The following CYP4F3 variants were observed in gnomAD, a reference collection of about 807,000 sequenced individuals.
CYP4F3 encodes cytochrome P450 family 4 subfamily F member 3.
A neutral mutation model predicts 54.8 loss-of-function variants in CYP4F3; 50 were observed. That is an observed-to-expected ratio of 0.91 (90% CI 0.73 to 1.16). CYP4F3 has a LOEUF of 1.16. CYP4F3 is among the 50% of genes most tolerant of loss of function. The probability of loss-of-function intolerance (pLI) is 0.00; values close to 1 mark genes in which losing one functional copy is unlikely to be tolerated. For synonymous variants in CYP4F3, 244 were observed against 262.6 expected (o/e 0.93, Z 0.69); for missense variants, 715 against 676.2 (o/e 1.06, Z -0.64).
At position 15,659,388 on chromosome 19, in the gene CYP4F3, T is replaced by G; in HGVS notation, c.*3T>G. 1.2e-6 allele frequency: 2 copies of G among 1,610,470 alleles called. No homozygotes were observed. The highest frequency in any genetic ancestry group is 1.7e-6 in the Non-Finnish European group (2 of 1,178,192). On this transcript the variant is annotated 3_prime_UTR_variant, in exon 13 of 13. Transcript: ENST00000221307. ...TGCGGGTGGAGCCCCTGAGCTGAGT[T>G]CTGCAGAGACCCACTCTGACCCCAC...
intron 8 of CYP4F3, 84 bp downstream of exon 8, chr19:15,652,719 A>C (rs1972893566): frequency 6.2e-7 from 1 of 1,608,930 alleles, no homozygotes; most frequent in Non-Finnish European, 8.5e-7. Context: ...CGCACTTCCC[A>C]TCCCCCTTCC....
rs1245688046 is a variant in CYP4F3, at chr19:15,650,160, A to G, written c.895A>G (p.Ile299Val). Residue 299 changes from isoleucine (I) to valine (V), a missense_variant, in exon 7 of 13, where the codon ATT (isoleucine) becomes GTT (valine). Coordinates refer to ENST00000221307, the MANE Select transcript of CYP4F3 (RefSeq NM_000896.3). ...AKAKSKTLDF[I>V]DVLLLSKDED... ...GGCCAAATCCAAGACTTTGGACTTC[A>G]TTGATGTACTCCTGCTGAGCAAGGT... 3.1e-6 allele frequency: 5 copies of G among 1,614,054 alleles called. No homozygotes were observed. The South Asian group carries it at 4.4e-5, about 14-fold the overall frequency.
At position 15,660,663 on chromosome 19, in the gene CYP4F3, A is replaced by G. The variant is rs1973161848; in HGVS notation, c.*1278A>G. 1 of 152,058 alleles carries G rather than the reference A, an allele frequency of 6.6e-6. No homozygotes were observed. The highest frequency in any genetic ancestry group is 2.4e-5 in the African/African-American group (1 of 41,360). The allele number at this position is 152,058 out of a possible 1,614,324, so 9.4% of individuals were successfully genotyped here. On this transcript the variant is annotated 3_prime_UTR_variant, in exon 13 of 13. Transcript: ENST00000221307. ...AGTAAGTCTCTGCCCTAGGCACATC[A>G]GATCACCTGGGGACCACTCCAGAGT... is the stretch of plus-strand genomic sequence containing the variant.
intron 5 of CYP4F3, among the ~76,000 whole-genome samples, chr19:15,648,246 G>A (rs1972689334): frequency 1.3e-5 from 2 of 152,076 alleles, no homozygotes; most frequent in East Asian, 3.9e-4. Context: ...TCATGACACA[G>A]AGAGCAGCAT....
intron 9 of CYP4F3, among the ~76,000 whole-genome samples, chr19:15,653,470 G>A (rs758897644): frequency 6.6e-6 from 1 of 152,064 alleles, no homozygotes; most frequent in Non-Finnish European, 1.5e-5. Flanking sequence ...GCATCTTTCT[G>A]TGCTCTGGAG....
chr19:15,653,868 G>A (rs930600103), intron 9 of CYP4F3, among the ~76,000 whole-genome samples: 1 of 152,046 alleles, frequency 6.6e-6, no homozygotes, highest in African/African-American at 2.4e-5. Context: ...GGAGATGGTA[G>A]CAGGGGCTGG....
chr19:15,659,334 G>A lies in CYP4F3; in HGVS notation c.1512G>A (p.Leu504=), dbSNP rs531656239. The A allele has an allele frequency of 1.2e-6, 2 of 1,613,594 alleles. No individual in the cohort carries two copies. The highest frequency in any genetic ancestry group is 1.7e-6 in the Non-Finnish European group (2 of 1,179,818). The change falls in exon 13 of 13, where the codon CTG becomes CTA. Residue 504 remains leucine, a synonymous_variant. Coordinates refer to ENST00000221307, the MANE Select transcript of CYP4F3 (RefSeq NM_000896.3). Reference sequence around the variant, plus strand: ...CCGAGCCCCGCAGGAAGCCGGAGCTGGTCCTGCGCGCAGAGGGCGGACTTT... The same window carrying A: ...CCGAGCCCCGCAGGAAGCCGGAGCTAGTCCTGCGCGCAGAGGGCGGACTTT... The part of the protein sequence containing the change: ...DHTEPRRKPE[L]VLRAEGGLWL...
chr19:15,643,823 A>G, intron 2 of CYP4F3: 1 of 1,375,546 alleles, frequency 7.3e-7, no homozygotes, highest in African/African-American at 1.5e-5. Flanking sequence ...CGGATGATCA[A>G]CTATCTGGGC....
In CYP4F3 at chr19:15,647,328, A is replaced by T; in HGVS notation, c.525+4A>T. 1 of 1,614,084 alleles carries T rather than the reference A, an allele frequency of 6.2e-7. No homozygotes were observed. The highest frequency in any genetic ancestry group is 8.5e-7 in the Non-Finnish European group (1 of 1,179,974). On this transcript the variant is annotated splice_donor_region_variant and intron_variant, in intron 5 of 12. Coordinates refer to ENST00000221307, the MANE Select transcript of CYP4F3 (RefSeq NM_000896.3). Reference sequence around the variant, plus strand: ...TGAGAGTGTGAACATCATGCATGTGAGTTATTTGAAGCCAAGGTCCCAGCT... The same window carrying T: ...TGAGAGTGTGAACATCATGCATGTGTGTTATTTGAAGCCAAGGTCCCAGCT...
chr19:15,657,789 GTATTCT>G (rs1413953148), intron 9 of CYP4F3, among the ~76,000 whole-genome samples: 3 of 152,046 alleles, frequency 2.0e-5, no homozygotes, highest in Non-Finnish European at 4.4e-5. Flanking sequence ...TATGGAACTG[GTATTCT>G]TATTATTTTT....
At chr19:15,652,039 A>C (rs1972871622) in intron 7 of CYP4F3, among the ~76,000 whole-genome samples, 1 of 151,088 alleles carries the variant, frequency 6.6e-6, no homozygotes, top group Non-Finnish European at 1.5e-5. Context: ...CTATATTATG[A>C]GTCTCAGCAC....
intron 7 of CYP4F3, among the ~76,000 whole-genome samples, chr19:15,652,044 C>T (rs1972871966): frequency 6.7e-6 from 1 of 149,886 alleles, no homozygotes; most frequent in Non-Finnish European, 1.5e-5. Flanking sequence ...TTATGAGTCT[C>T]AGCACATTTT....
Position 15,662,272 on chromosome 19 carries a change from C to CAAAAAAAAAAAAAGAAAA in CYP4F3, c.*2900_*2901insGAAAAAAAAAAAAAAAAA, listed in dbSNP as rs1973197825. The CAAAAAAAAAAAAAGAAAA allele has an allele frequency of 1.4e-5, 1 of 73,706 alleles. No individual in the cohort carries two copies. The highest frequency in any genetic ancestry group is 2.3e-5 in the Non-Finnish European group (1 of 43,774). 4.6% of individuals were successfully genotyped at this position (73,706 alleles called of 1,614,324 possible). A position where few individuals can be genotyped will look rare whatever the true frequency, so the allele number is the denominator to read the frequency against. ...GGTGAAAGAGCTAGATTCTCTCTCT[C>CAAAAAAAAAAAAAGAAAA]AAAAAAAAAAAAAAAAAAAAGGAAA... On this transcript the variant is annotated 3_prime_UTR_variant, in exon 13 of 13. Transcript: ENST00000221307.
chr19:15,644,057 A>T lies in CYP4F3; in HGVS notation c.199-1662A>T, dbSNP rs571676059. On this transcript the variant is annotated intron_variant, in intron 2 of 12. Transcript: ENST00000221307. ...GTCTGTCATCAACGCCTCAGGTACC[A>T]CCTGGAATACTTGGTGGTGGGTGCT... 2.1e-5 allele frequency: 33 copies of T among 1,571,398 alleles called. No individual in the cohort carries two copies. In the South Asian group the frequency reaches 3.6e-4, roughly 17 times the overall value.
Position 15,641,610 on chromosome 19 carries a change from C to T in CYP4F3, c.195C>T (p.Gly65=), listed in dbSNP as rs377519125. ...PKRNWFLGHL[G]LIHSSEEGLL... ...GGAATTGGTTCTTGGGTCACCTGGG[C>T]CTGGTGAGTGTGGCAGCAGGACGGG... The change falls in exon 2 of 13, where the codon GGC becomes GGT. Residue 65 remains glycine, a synonymous_variant. Coordinates refer to ENST00000221307, the MANE Select transcript of CYP4F3 (RefSeq NM_000896.3). 18 of 1,613,898 alleles carry T rather than the reference C, an allele frequency of 1.1e-5. No homozygotes were observed. The highest frequency in any genetic ancestry group is 1.4e-5 in the Non-Finnish European group (17 of 1,179,948).
Position 15,659,739 on chromosome 19 carries a change from G to T in CYP4F3, c.*354G>T, listed in dbSNP as rs138336374. 727 of 236,012 alleles carry T rather than the reference G, an allele frequency of 3.1e-3. 2 individuals are homozygous for T. The highest frequency in any genetic ancestry group is 5.4e-3 in the Non-Finnish European group (660 of 121,442). 14.6% of individuals were successfully genotyped at this position (236,012 alleles called of 1,614,324 possible). A position where few individuals can be genotyped will look rare whatever the true frequency, so the allele number is the denominator to read the frequency against. On this transcript the variant is annotated 3_prime_UTR_variant, in exon 13 of 13. Coordinates refer to ENST00000221307, the MANE Select transcript of CYP4F3 (RefSeq NM_000896.3). ...CTTGAATGCATGATACTGAATGAAA[G>T]ACATCAGATGCAAAAGGTCACATAG... is the stretch of plus-strand genomic sequence containing the variant.
In CYP4F3 at chr19:15,649,078, G is replaced by T. The variant is rs1972708585; in HGVS notation, c.526-82G>T. On this transcript the variant is annotated intron_variant, in intron 5 of 12. Coordinates refer to ENST00000221307, the MANE Select transcript of CYP4F3 (RefSeq NM_000896.3). ...AGAAGATGAAGAGGCTTATTCTGGG[G>T]CGTGCATATTGATTGTTGGGGTTGG... is the stretch of plus-strand genomic sequence containing the variant. 1.9e-6 allele frequency: 3 copies of T among 1,586,224 alleles called. No individual in the cohort carries two copies. The African/African-American group carries it at 4.0e-5, about 21-fold the overall frequency.
chr19:15,656,524 T>TCTATCTATCTATGTATCTATCTATCTATC lies in CYP4F3; in HGVS notation c.1116-1740_1116-1739insCTATCTATCTATGTATCTATCTATCTATC, dbSNP rs60912344. On this transcript the variant is annotated intron_variant, in intron 9 of 12. Coordinates refer to ENST00000221307, the MANE Select transcript of CYP4F3 (RefSeq NM_000896.3). The stretch of plus-strand genomic sequence containing the variant: ...ATCTATCTATCTATCTATCTATCTA[T>TCTATCTATCTATGTATCTATCTATCTATC]TTCTATCATCTATCAATGTATCTAT... 3.9e-3 allele frequency among the ~76,000 whole-genome samples: 274 copies of TCTATCTATCTATGTATCTATCTATCTATC among 70,622 alleles called. 3 individuals are homozygous for TCTATCTATCTATGTATCTATCTATCTATC. Among genetic ancestry groups the TCTATCTATCTATGTATCTATCTATCTATC allele is most frequent in the South Asian group, 0.011 (30 of 2,676 alleles). The allele number at this position is 70,622 out of a possible 152,430, so 46.3% of individuals were successfully genotyped here.
At position 15,650,808 on chromosome 19, in the gene CYP4F3, C is replaced by T. The variant is rs1211599081; in HGVS notation, c.918+625C>T. On this transcript the variant is annotated intron_variant, in intron 7 of 12. Transcript: ENST00000221307. ...CTTTCTTTCTTTCTTTCTCTCTCTT[C>T]TCTTTCTTTCTTTCTTTCTTTCTTT... Among the ~76,000 whole-genome samples the T allele has an allele frequency of 1.5e-4, 2 of 12,926 alleles. 1 individual carries two copies. Among genetic ancestry groups the T allele is most frequent in the African/African-American group, 1.2e-3 (2 of 1,736 alleles). 8.5% of individuals were successfully genotyped at this position (12,926 alleles called of 152,430 possible).
Sources: gnomAD v4.1 joint callset for allele counts (sites outside exome capture counted in the v4.1 genomes callset) on GRCh38, gnomAD v4.1.1 for gene constraint, MANE v1.5 for transcripts, NCBI Gene and HGNC (gene_info 2026-07-23, HGNC 2026-07-21) for gene names.